Variants in SPOPL observed in about 807,000 individuals in gnomAD.
SPOPL encodes the protein speckle type BTB/POZ protein like.
A neutral mutation model predicts 53.8 loss-of-function variants in SPOPL; 23 were observed. The observed-to-expected ratio is 0.43, with a 90% CI of 0.31 to 0.61. The LOEUF is 0.61. Among genes scored for constraint, SPOPL ranks in the 20% least tolerant of loss-of-function variants. The probability of loss-of-function intolerance (pLI) is 0.12; values close to 1 mark genes in which losing one functional copy is unlikely to be tolerated. For missense variants in SPOPL, 442 were observed against 466.9 expected (o/e 0.95, Z 0.49); for synonymous variants, 164 against 149.7 (o/e 1.10, Z -0.70).
intron 8 of SPOPL, among the ~76,000 whole-genome samples, chr2:138,561,925 C>T (rs1260555503): frequency 2.0e-5 from 3 of 151,872 alleles, no homozygotes; most frequent in Admixed American, 1.3e-4. Flanking sequence ...TCTTTATGTC[C>T]GTGGCATTAC....
chr2:138,506,726 T>C (rs1334703348), intron 1 of SPOPL, among the ~76,000 whole-genome samples: 1 of 152,104 alleles, frequency 6.6e-6, no homozygotes, highest in East Asian at 1.9e-4. Context: ...CTGAGACATA[T>C]AAGTAGAGAT....
intron 1 of SPOPL, among the ~76,000 whole-genome samples, chr2:138,517,024 G>A (rs1684454298): frequency 6.6e-6 from 1 of 152,178 alleles, no homozygotes; most frequent in Non-Finnish European, 1.5e-5. Context: ...AGAACAAAGA[G>A]CATTGCTTAG....
chr2:138,550,952 T>A lies in SPOPL; in HGVS notation c.250T>A (p.Leu84Met). 1 of 1,613,446 alleles carries A rather than the reference T, an allele frequency of 6.2e-7. No individual in the cohort carries two copies. The highest frequency in any genetic ancestry group is 8.5e-7 in the Non-Finnish European group (1 of 1,179,584). ...KGLDDESKDY[L>M]SLYLLLVSCP... ...ATTAGATGATGAAAGTAAAGACTAC[T>A]TGTCCTTATATTTGCTTTTAGTCAG... is the stretch of plus-strand genomic sequence containing the variant. Residue 84 changes from leucine to methionine, a missense_variant, in exon 4 of 11, where the codon TTG becomes ATG. Coordinates refer to ENST00000280098, the MANE Select transcript of SPOPL (RefSeq NM_001001664.3).
Position 138,550,502 on chromosome 2 carries a change from C to T in SPOPL, c.98C>T (p.Ser33Phe). The T allele has an allele frequency of 6.2e-7, 1 of 1,608,224 alleles. No individual in the cohort carries two copies. The highest frequency in any genetic ancestry group is 8.5e-7 in the Non-Finnish European group (1 of 1,176,410). The change falls in exon 3 of 11, where the codon TCC becomes TTC. Residue 33 changes from serine (S) to phenylalanine (F), a missense_variant. Transcript: ENST00000280098. ...CYTQVKVVKFSYMWTINNFSF... is the reference protein window; with the variant it reads ...CYTQVKVVKFFYMWTINNFSF... ...TCTTAGGTTAAAGTAGTAAAATTTT[C>T]CTATATGTGGACCATTAATAACTTC...
At chr2:138,530,922 A>AGTGTGTGT (rs10673306) in intron 1 of SPOPL, among the ~76,000 whole-genome samples, 1,562 of 148,024 alleles carry the variant, frequency 0.011, 11 homozygotes, top group African/African-American at 0.016. Flanking sequence ...CTGTAGAGTG[A>AGTGTGTGT]GTGTGTGTGT....
intron 1 of SPOPL, among the ~76,000 whole-genome samples, chr2:138,528,841 A>G (rs1310674169): frequency 6.6e-6 from 1 of 152,176 alleles, no homozygotes; most frequent in East Asian, 1.9e-4. Context: ...GACTTTGGGT[A>G]GGTTACTTTG....
At chr2:138,566,958 A>C (rs958191368) in intron 10 of SPOPL, among the ~76,000 whole-genome samples, 8 of 152,220 alleles carry the variant, frequency 5.3e-5, no homozygotes, top group African/African-American at 1.9e-4. Context: ...AGTAGCAAGC[A>C]TTGCAGACAG....
In SPOPL at chr2:138,571,308, C is replaced by T. The variant is rs1310590567; in HGVS notation, c.*2228C>T. 6.6e-6 allele frequency: 1 copy of T among 152,440 alleles called. No homozygotes were observed. Among genetic ancestry groups the T allele is most frequent in the African/African-American group, 2.4e-5 (1 of 41,416 alleles). 9.4% of individuals were successfully genotyped at this position (152,440 alleles called of 1,614,324 possible). The stretch of plus-strand genomic sequence containing the variant: ...TCTATATTTCTAACCACAGTGACTT[C>T]AGTAAAAATACCGTATAATGAACAT... On this transcript the variant is annotated 3_prime_UTR_variant, in exon 11 of 11. Coordinates refer to ENST00000280098, the MANE Select transcript of SPOPL (RefSeq NM_001001664.3).
chr2:138,562,372 A>G (rs778337899), intron 8 of SPOPL, among the ~76,000 whole-genome samples: 2 of 152,222 alleles, frequency 1.3e-5, no homozygotes, highest in Non-Finnish European at 2.9e-5. Flanking sequence ...AGACCATCAC[A>G]TTATGAATAT....
chr2:138,547,438 A>C (rs1685220067), intron 1 of SPOPL, among the ~76,000 whole-genome samples: 1 of 152,012 alleles, frequency 6.6e-6, no homozygotes, highest in Non-Finnish European at 1.5e-5. Context: ...GTTTTTTGTT[A>C]GTATTAAATT....
At chr2:138,533,644 C>T (rs1028456724) in intron 1 of SPOPL, among the ~76,000 whole-genome samples, 16 of 151,948 alleles carry the variant, frequency 1.1e-4, no homozygotes, top group African/African-American at 3.4e-4. Context: ...CTTAATTATT[C>T]TCCCTGGTAC....
chr2:138,555,884 C>CTTT (rs369256513), intron 5 of SPOPL, among the ~76,000 whole-genome samples: 1,600 of 146,306 alleles, frequency 0.011, 33 homozygotes, highest in African/African-American at 0.038. Flanking sequence ...ACATTTGCCT[C>CTTT]TTTTTTTTTT....
chr2:138,555,456 A>G (rs912040770), intron 5 of SPOPL, among the ~76,000 whole-genome samples: 5 of 151,800 alleles, frequency 3.3e-5, no homozygotes, highest in African/African-American at 1.2e-4. Context: ...TATTTCTGTC[A>G]CCAGATTTTT....
In SPOPL at chr2:138,511,181, G is replaced by C. The variant is rs542790471; in HGVS notation, c.-61+9062G>C. ...TGGCGTTTGAGAACTGGCTTGAATT[G>C]TGGAGTATCTTGGTTTATGCATTAA... On this transcript the variant is annotated intron_variant, in intron 1 of 10. Coordinates refer to ENST00000280098, the MANE Select transcript of SPOPL (RefSeq NM_001001664.3). 2.0e-5 allele frequency among the ~76,000 whole-genome samples: 3 copies of C among 152,286 alleles called. 1 individual carries two copies. The highest frequency in any genetic ancestry group is 2.4e-5 in the African/African-American group (1 of 41,564).
At position 138,569,869 on chromosome 2, in the gene SPOPL, G is replaced by A. The variant is rs1342807654; in HGVS notation, c.*789G>A. 4 of 152,518 alleles carry A rather than the reference G, an allele frequency of 2.6e-5. No individual in the cohort carries two copies. The South Asian group carries it at 6.2e-4, about 24-fold the overall frequency. 9.4% of individuals were successfully genotyped at this position (152,518 alleles called of 1,614,324 possible). A position where few individuals can be genotyped will look rare whatever the true frequency, so the allele number is the denominator to read the frequency against. Reference sequence around the variant, plus strand: ...GAATTCTGTACATGTTAAAAGTAAGGATGACCAAATGCAAATTTAATGAGT... The same window carrying A: ...GAATTCTGTACATGTTAAAAGTAAGAATGACCAAATGCAAATTTAATGAGT... On this transcript the variant is annotated 3_prime_UTR_variant, in exon 11 of 11. Coordinates refer to ENST00000280098, the MANE Select transcript of SPOPL (RefSeq NM_001001664.3).
intron 1 of SPOPL, among the ~76,000 whole-genome samples, chr2:138,520,798 C>T (rs747765805): frequency 2.0e-5 from 3 of 152,050 alleles, no homozygotes; most frequent in Non-Finnish European, 4.4e-5. Flanking sequence ...AGTTTACTAC[C>T]CTGTTTATAT....
intron 1 of SPOPL, among the ~76,000 whole-genome samples, chr2:138,521,729 T>C (rs986738881): frequency 2.0e-5 from 3 of 152,218 alleles, no homozygotes; most frequent in African/African-American, 7.2e-5. Flanking sequence ...AAACTTTTCA[T>C]GTATCTATAA....
intron 1 of SPOPL, among the ~76,000 whole-genome samples, chr2:138,514,170 A>T (rs1441530275): frequency 1.3e-5 from 2 of 152,216 alleles, no homozygotes; most frequent in Non-Finnish European, 2.9e-5. Context: ...CTGGGGTAAC[A>T]GCCTCAGGAG....
chr2:138,502,549 T>G (rs535487876), intron 1 of SPOPL, among the ~76,000 whole-genome samples: 1 of 152,210 alleles, frequency 6.6e-6, no homozygotes, highest in African/African-American at 2.4e-5. Flanking sequence ...CTTTCATACC[T>G]CCTCATCCCA....
Sources: gnomAD v4.1 joint callset for allele counts (sites outside exome capture counted in the v4.1 genomes callset) on GRCh38, gnomAD v4.1.1 for gene constraint, MANE v1.5 for transcripts, NCBI Gene and HGNC (gene_info 2026-07-23, HGNC 2026-07-21) for gene names.